Variants in RAB15 observed in about 807,000 individuals in gnomAD.
The protein encoded by RAB15 is RAB15, member RAS oncogene family, also known as ras-related protein Rab-15.
RAB15 carries 13 observed loss-of-function variants against 31.8 expected under a neutral mutation model. That is an observed-to-expected ratio of 0.41 (90% CI 0.27 to 0.65). RAB15 has a LOEUF of 0.65. Ranked by LOEUF, RAB15 falls within the 30% of genes least tolerant of loss-of-function variation. The probability of loss-of-function intolerance (pLI) is 0.32; values close to 1 mark genes in which losing one functional copy is unlikely to be tolerated. For missense variants in RAB15, 220 were observed against 277.3 expected (o/e 0.79, Z 1.47); for synonymous variants, 100 against 105.6 (o/e 0.95, Z 0.33).
At chr14:64,949,889 C>A (rs1243238239) in intron 5 of RAB15, among the ~76,000 whole-genome samples, 1 of 152,116 alleles carries the variant, frequency 6.6e-6, no homozygotes, top group African/African-American at 2.4e-5. Flanking sequence ...CCTCATTTGC[C>A]TCCCTGGCTC....
intron 1 of RAB15, among the ~76,000 whole-genome samples, chr14:64,966,017 G>T (rs1047644294): frequency 6.6e-6 from 1 of 152,136 alleles, no homozygotes; most frequent in East Asian, 1.9e-4. Context: ...AAGCCTTGAG[G>T]CAAAGCCACC....
rs757625606 is a variant in RAB15, at chr14:64,952,608, T to C, written c.125-37A>G. The C allele has an allele frequency of 6.7e-7, 1 of 1,482,508 alleles. No homozygotes were observed. The highest frequency in any genetic ancestry group is 9.4e-7 in the Non-Finnish European group (1 of 1,066,370). 91.8% of individuals were successfully genotyped at this position (1,482,508 alleles called of 1,614,324 possible). ...AAGAAAGAAAGAAAGTTAGAAAGCG[T>C]ACCCACGAGAAATGAACAGGAAAGG... is the stretch of plus-strand genomic sequence containing the variant. On this transcript the variant is annotated intron_variant, in intron 1 of 6. Transcript: ENST00000533601. The surrounding 1 kb of genome is among the most constrained non-coding windows in gnomAD (Gnocchi z 4.2).
chr14:64,956,518 C>G (rs1451712345), intron 1 of RAB15, among the ~76,000 whole-genome samples: 2 of 152,094 alleles, frequency 1.3e-5, no homozygotes, highest in African/African-American at 2.4e-5. Context: ...TATGGGGTCC[C>G]GCAATCAGTT....
In RAB15 at chr14:64,950,549, T is replaced by C. The variant is rs1035690224; in HGVS notation, c.325-135A>G. 1.5e-4 allele frequency: 116 copies of C among 770,188 alleles called. No individual in the cohort carries two copies. Among genetic ancestry groups the C allele is most frequent in the Admixed American group, 3.8e-5 (2 of 52,748 alleles). 47.7% of individuals were successfully genotyped at this position (770,188 alleles called of 1,614,324 possible). On this transcript the variant is annotated intron_variant, in intron 4 of 6. Coordinates refer to ENST00000533601, the MANE Select transcript of RAB15 (RefSeq NM_001308154.2). The surrounding 1 kb of genome is among the most constrained non-coding windows in gnomAD (Gnocchi z 5.6). The stretch of plus-strand genomic sequence containing the variant: ...ACAGGGTGGGCCGACTGGATGCAGG[T>C]GCCAGGCTCCCCCAAGTGCCATGGC...
Position 64,970,907 on chromosome 14 carries a change from G to C in RAB15, c.124+1046C>G, listed in dbSNP as rs1029417000. ...ATGTGTGTTGGGGGGAGGGGGGATGGTGTGGACATGAATCCTCAAGAGGAA... is the reference window on the plus strand; with the variant it reads ...ATGTGTGTTGGGGGGAGGGGGGATGCTGTGGACATGAATCCTCAAGAGGAA... On this transcript the variant is annotated intron_variant, in intron 1 of 6. Transcript: ENST00000533601. The surrounding 1 kb of genome is among the most constrained non-coding windows in gnomAD (Gnocchi z 4.1). Among the ~76,000 whole-genome samples the C allele has an allele frequency of 6.6e-6, 1 of 152,152 alleles. No individual in the cohort carries two copies. Among genetic ancestry groups the C allele is most frequent in the Non-Finnish European group, 1.5e-5 (1 of 68,036 alleles).
chr14:64,967,092 A>C (rs1201545918), intron 1 of RAB15, among the ~76,000 whole-genome samples: 1 of 146,752 alleles, frequency 6.8e-6, no homozygotes, highest in Non-Finnish European at 1.5e-5. Flanking sequence ...AGCCAGTCCC[A>C]GCAGAACTCC....
Position 64,954,599 on chromosome 14 carries a change from A to G in RAB15, c.125-2028T>C. On this transcript the variant is annotated intron_variant, in intron 1 of 6. Transcript: ENST00000533601. The surrounding 1 kb of genome is among the most constrained non-coding windows in gnomAD (Gnocchi z 4.3). ...GCCCTGCACAGTGCTCAGTGCAGACAGAGCAGTGAAAAAGACATGGCCCCT... is the reference window on the plus strand; with the variant it reads ...GCCCTGCACAGTGCTCAGTGCAGACGGAGCAGTGAAAAAGACATGGCCCCT... 1.1e-6 allele frequency: 1 copy of G among 880,214 alleles called. No individual in the cohort carries two copies. Among genetic ancestry groups the G allele is most frequent in the Non-Finnish European group, 1.4e-6 (1 of 733,900 alleles). The allele number at this position is 880,214 out of a possible 1,614,324, so 54.5% of individuals were successfully genotyped here.
Position 64,948,259 on chromosome 14 carries a change from G to T in RAB15, c.*95C>A. 7.6e-7 allele frequency: 1 copy of T among 1,317,390 alleles called. No individual in the cohort carries two copies. The highest frequency in any genetic ancestry group is 1.0e-6 in the Non-Finnish European group (1 of 994,054). The allele number at this position is 1,317,390 out of a possible 1,614,324, so 81.6% of individuals were successfully genotyped here. A position where few individuals can be genotyped will look rare whatever the true frequency, so the allele number is the denominator to read the frequency against. On this transcript the variant is annotated 3_prime_UTR_variant, in exon 7 of 7. Transcript: ENST00000533601. This position sits in a 1 kb window ranked among gnomAD's most constrained non-coding sequence, Gnocchi z 7.0. Reference sequence around the variant, plus strand: ...CTGATACTCAATAGGGTCATCACACGAGAGGACAGCAGCAGGGCAAAGCCC... The same window carrying T: ...CTGATACTCAATAGGGTCATCACACTAGAGGACAGCAGCAGGGCAAAGCCC...
rs747371196 is a variant in RAB15 at position 64,948,744 on chromosome 14, A to G, written c.415-11T>C. On this transcript the variant is annotated splice_polypyrimidine_tract_variant and intron_variant, in intron 5 of 6. Coordinates refer to ENST00000533601, the MANE Select transcript of RAB15 (RefSeq NM_001308154.2). This position sits in a 1 kb window ranked among gnomAD's most constrained non-coding sequence, Gnocchi z 7.0. Reference sequence around the variant, plus strand: ...ATACTCCTTCGCCAGCTGCAAGAGAAGGACATTTCTGAAAGAGAGTCAGTA... The same window carrying G: ...ATACTCCTTCGCCAGCTGCAAGAGAGGGACATTTCTGAAAGAGAGTCAGTA... 1 of 1,611,678 alleles carries G rather than the reference A, an allele frequency of 6.2e-7. No individual in the cohort carries two copies. The highest frequency in any genetic ancestry group is 8.5e-7 in the Non-Finnish European group (1 of 1,178,650).
chr14:64,951,653 C>T lies in RAB15; in HGVS notation c.196G>A (p.Gly66Arg), dbSNP rs1162298318. The stretch of plus-strand genomic sequence containing the variant: ...GTGATGGTCTGGTATCTCTCCTGCC[C>T]TGCAGTGTCCCTGCAGGAGAAAGCC... The part of the protein sequence containing the change: ...KVRIQIWDTA[G>R]QERYQTITKQ... The change falls in exon 3 of 7, where the codon GGG becomes AGG. Residue 66 changes from glycine to arginine, a missense_variant. Gly to Arg is a moderately radical substitution (Grantham distance 125). Coordinates refer to ENST00000533601, the MANE Select transcript of RAB15 (RefSeq NM_001308154.2). The surrounding 1 kb of genome is among the most constrained non-coding windows in gnomAD (Gnocchi z 7.2). 4 of 1,614,008 alleles carry T rather than the reference C, an allele frequency of 2.5e-6. No homozygotes were observed. Among genetic ancestry groups the T allele is most frequent in the African/African-American group, 1.3e-5 (1 of 74,916 alleles).
intron 1 of RAB15, among the ~76,000 whole-genome samples, chr14:64,967,135 C>A (rs1358266689): frequency 2.0e-5 from 3 of 152,040 alleles, no homozygotes; most frequent in African/African-American, 4.8e-5. Context: ...AGCAACCCAG[C>A]CTGAGAAAGT....
At chr14:64,959,028 G>A (rs984594249) in intron 1 of RAB15, among the ~76,000 whole-genome samples, 1 of 152,218 alleles carries the variant, frequency 6.6e-6, no homozygotes, top group Non-Finnish European at 1.5e-5. Context: ...GGCCAGCAGA[G>A]GCAAGGGAGC....
At chr14:64,966,570 T>A (rs1887155077) in intron 1 of RAB15, among the ~76,000 whole-genome samples, 1 of 151,992 alleles carries the variant, frequency 6.6e-6, no homozygotes, top group Non-Finnish European at 1.5e-5. Context: ...AATGATAATA[T>A]GATAGCAGCT....
chr14:64,963,321 T>C (rs1281704531), intron 1 of RAB15, among the ~76,000 whole-genome samples: 1 of 152,066 alleles, frequency 6.6e-6, no homozygotes, highest in Admixed American at 6.5e-5. Context: ...GGTTTCACCA[T>C]GTTGACCAGG....
Position 64,962,130 on chromosome 14 carries a change from G to A in RAB15, c.125-9559C>T, listed in dbSNP as rs1886897237. 1.3e-5 allele frequency among the ~76,000 whole-genome samples: 2 copies of A among 152,058 alleles called. No individual in the cohort carries two copies. Among genetic ancestry groups the A allele is most frequent in the Middle Eastern group, 6.8e-3 (2 of 292 alleles). ...CTCGGGAGGCTGAGGCATGAGAATC[G>A]CTTGAACCTGGGAGGCGGAAGTTGC... On this transcript the variant is annotated intron_variant, in intron 1 of 6. Coordinates refer to ENST00000533601, the MANE Select transcript of RAB15 (RefSeq NM_001308154.2). The surrounding 1 kb of genome is among the most constrained non-coding windows in gnomAD (Gnocchi z 4.2).
rs1887415578 is a variant in RAB15 at position 64,971,495 on chromosome 14, CT to C, written c.124+457del. ...CCTCCGTACGTCCTCTCTTCCCCCC[CT>C]CGCCCCCCGCCGGCTCCACCTTGGG... On this transcript the variant is annotated intron_variant, in intron 1 of 6. Transcript: ENST00000533601. This position sits in a 1 kb window ranked among gnomAD's most constrained non-coding sequence, Gnocchi z 4.1. Among the ~76,000 whole-genome samples, 1 of 152,022 alleles carries C rather than the reference CT, an allele frequency of 6.6e-6. No homozygotes were observed. The highest frequency in any genetic ancestry group is 1.9e-4 in the East Asian group (1 of 5,170).
Position 64,951,458 on chromosome 14 carries a change from T to G in RAB15, c.246+145A>C. Reference sequence around the variant, plus strand: ...CCATGAACAATGGACGGACAAATGATCAGTGAACAGCTGAAAGACGCCCTG... The same window carrying G: ...CCATGAACAATGGACGGACAAATGAGCAGTGAACAGCTGAAAGACGCCCTG... On this transcript the variant is annotated intron_variant, in intron 3 of 6. Coordinates refer to ENST00000533601, the MANE Select transcript of RAB15 (RefSeq NM_001308154.2). This position sits in a 1 kb window ranked among gnomAD's most constrained non-coding sequence, Gnocchi z 7.2. 7.4e-6 allele frequency: 6 copies of G among 810,726 alleles called. No individual in the cohort carries two copies. In the South Asian group the frequency reaches 8.6e-5, roughly 12 times the overall value. 50.2% of individuals were successfully genotyped at this position (810,726 alleles called of 1,614,324 possible). A position where few individuals can be genotyped will look rare whatever the true frequency, so the allele number is the denominator to read the frequency against.
intron 1 of RAB15, among the ~76,000 whole-genome samples, chr14:64,969,898 G>A (rs1405371524): frequency 3.9e-5 from 6 of 152,152 alleles, no homozygotes; most frequent in African/African-American, 1.4e-4. Context: ...TGAGGCAATG[G>A]ACTCTCTTTA....
chr14:64,956,585 A>G (rs1886581961), intron 1 of RAB15, among the ~76,000 whole-genome samples: 2 of 152,276 alleles, frequency 1.3e-5, no homozygotes, highest in East Asian at 3.9e-4. Context: ...CGACATTAGG[A>G]CAAAAGTTTT....
Sources: allele counts gnomAD v4.1 joint callset (sites outside exome capture counted in the v4.1 genomes callset), GRCh38; gene constraint gnomAD v4.1.1; non-coding constraint Gnocchi (gnomAD v3.1); transcripts MANE v1.5; gene names NCBI Gene and HGNC (gene_info 2026-07-23, HGNC 2026-07-21).